The following ZAP70 variants were observed in gnomAD, a reference collection of about 807,000 sequenced individuals.
ZAP70 encodes the protein tyrosine-protein kinase ZAP-70.
ZAP70 carries 27 observed loss-of-function variants against 65.8 expected under a neutral mutation model. That is an observed-to-expected ratio of 0.41 (90% CI 0.30 to 0.57). The LOEUF (loss-of-function observed/expected upper bound fraction) is 0.57, where lower values mean the gene tolerates loss of function less well. Ranked by LOEUF, ZAP70 falls within the 20% of genes least tolerant of loss-of-function variation. ZAP70 has a pLI of 0.28. For missense variants in ZAP70, 696 were observed against 870.5 expected (o/e 0.80, Z 2.52); for synonymous variants, 363 against 360.8 (o/e 1.01, Z -0.07).
At chr2:97,729,746 A>G (rs531487433) in intron 4 of ZAP70, among the ~76,000 whole-genome samples, 23 of 151,914 alleles carry the variant, frequency 1.5e-4, no homozygotes, top group Admixed American at 1.3e-3. Context: ...TTGTAAATCA[A>G]GTAGAACTTA....
chr2:97,756,234 C>T, the ZAP70 span: 5 of 152,142 alleles, frequency 3.3e-5, no homozygotes, highest in African/African-American at 1.2e-4. Flanking sequence ...CCGTCTTAAC[C>T]TGTCAGCTCC....
chr2:97,727,672 C>G (rs1214989053), intron 4 of ZAP70, among the ~76,000 whole-genome samples: 1 of 152,198 alleles, frequency 6.6e-6, no homozygotes, highest in African/African-American at 2.4e-5. Context: ...TCTGCTTTCT[C>G]TTTCATAAAA....
intron 10 of ZAP70, 116 bp downstream of exon 10, chr2:97,735,572 C>A: frequency 8.2e-7 from 1 of 1,213,556 alleles, no homozygotes; most frequent in Non-Finnish European, 1.2e-6. Flanking sequence ...TCCACACCAT[C>A]GTGGACACAC....
chr2:97,717,071 C>T (rs1676947534), intron 2 of ZAP70, among the ~76,000 whole-genome samples: 1 of 152,230 alleles, frequency 6.6e-6, no homozygotes, highest in South Asian at 2.1e-4. Context: ...CTCATGGCGT[C>T]ACCAAGCTGG....
intron 4 of ZAP70, among the ~76,000 whole-genome samples, 193 bp downstream of exon 4, chr2:97,725,445 C>T (rs953304162): frequency 1.3e-5 from 2 of 152,214 alleles, no homozygotes; most frequent in African/African-American, 4.8e-5. Context: ...CTAGGAAAGC[C>T]TCCAGACTCG....
At chr2:97,718,833 C>G (rs1677051572) in intron 2 of ZAP70, among the ~76,000 whole-genome samples, 1 of 152,226 alleles carries the variant, frequency 6.6e-6, no homozygotes, top group Non-Finnish European at 1.5e-5. Flanking sequence ...GGTCCTTGGA[C>G]AAGCCCTCAG....
At chr2:97,747,991 G>A in the ZAP70 span, among the ~76,000 whole-genome samples, 1 of 151,998 alleles carries the variant, frequency 6.6e-6, no homozygotes, top group Non-Finnish European at 1.5e-5. Flanking sequence ...GCATCTTGAA[G>A]CCAAGTGTCT....
chr2:97,720,634 G>A (rs943229549), intron 2 of ZAP70, among the ~76,000 whole-genome samples: 17 of 152,194 alleles, frequency 1.1e-4, no homozygotes, highest in African/African-American at 3.6e-4. Flanking sequence ...TTACAAGCGT[G>A]AGCCACTTCG....
chr2:97,734,112 A>G, intron 8 of ZAP70: 1 of 290,422 alleles, frequency 3.4e-6, no homozygotes, highest in Non-Finnish European at 6.6e-6. Context: ...GTGTATGCAC[A>G]GAGAAGACAC....
downstream of ZAP70, among the ~76,000 whole-genome samples, chr2:97,740,642 C>G (rs1678104947): frequency 6.6e-6 from 1 of 152,138 alleles, no homozygotes; most frequent in South Asian, 2.1e-4. Context: ...GAGATGTCCG[C>G]TGAGGAACCA....
rs1677868844 is a variant in ZAP70 at position 97,736,077 on chromosome 2, CA to C, written c.1289+622del. Among the ~76,000 whole-genome samples the C allele has an allele frequency of 6.6e-6, 1 of 152,186 alleles. No homozygotes were observed. Among genetic ancestry groups the C allele is most frequent in the Non-Finnish European group, 1.5e-5 (1 of 68,024 alleles). The stretch of plus-strand genomic sequence containing the variant: ...AGCTTTGTACACATCAGCTGCTCCC[CA>C]GACTCCCTGGGCCAAATTCATGGCC... On this transcript the variant is annotated intron_variant, in intron 10 of 13. Coordinates refer to ENST00000264972, the MANE Select transcript of ZAP70 (RefSeq NM_001079.4). This position sits in a 1 kb window ranked among gnomAD's most constrained non-coding sequence, Gnocchi z 4.0.
intron 8 of ZAP70, chr2:97,734,316 C>A: frequency 7.1e-7 from 1 of 1,400,438 alleles, no homozygotes; most frequent in Non-Finnish European, 9.3e-7. Context: ...CCTCATGTGG[C>A]TTCATGGGGC....
chr2:97,729,177 G>T (rs890808022), intron 4 of ZAP70, among the ~76,000 whole-genome samples: 2 of 152,230 alleles, frequency 1.3e-5, no homozygotes, highest in African/African-American at 4.8e-5. Flanking sequence ...TGAGATCATG[G>T]TTGGTCCTGA....
chr2:97,720,431 T>C (rs1240735659), intron 2 of ZAP70, among the ~76,000 whole-genome samples: 2 of 152,172 alleles, frequency 1.3e-5, no homozygotes, highest in Non-Finnish European at 1.5e-5. Context: ...GGTTTCACCA[T>C]GTTCGCCAGG....
intron 2 of ZAP70, among the ~76,000 whole-genome samples, chr2:97,716,905 G>C (rs1676939679): frequency 6.6e-6 from 1 of 152,178 alleles, no homozygotes; most frequent in Non-Finnish European, 1.5e-5. Context: ...CACTGGCCCT[G>C]CTTTCCGGAG....
the ZAP70 span, among the ~76,000 whole-genome samples, chr2:97,746,114 A>G: frequency 1.6e-3 from 240 of 152,316 alleles, 1 homozygote; most frequent in African/African-American, 5.4e-3. Context: ...AATATCTAGA[A>G]CAGGCAAATT....
the ZAP70 span, among the ~76,000 whole-genome samples, chr2:97,755,544 G>T: frequency 2.0e-5 from 3 of 152,156 alleles, no homozygotes; most frequent in Non-Finnish European, 4.4e-5. Context: ...TGGGTAAATA[G>T]CTGTTTCTAG....
At chr2:97,723,893 C>G in intron 2 of ZAP70, 123 bp from the exon 3 acceptor site, 1 of 1,116,516 alleles carries the variant, frequency 9.0e-7, no homozygotes, top group Non-Finnish European at 1.3e-6. Flanking sequence ...GGCTCTGCCC[C>G]CTTGGCGAGC....
At chr2:97,734,357 G>C (rs1677750716) in intron 8 of ZAP70, 163 bp from the exon 9 acceptor site, 21 of 1,435,884 alleles carry the variant, frequency 1.5e-5, no homozygotes, top group Non-Finnish European at 1.9e-5. Flanking sequence ...GTGTATGCCA[G>C]TGTGTGCGTG....
Sources: allele counts gnomAD v4.1 joint callset (sites outside exome capture counted in the v4.1 genomes callset), GRCh38; gene constraint gnomAD v4.1.1; non-coding constraint Gnocchi (gnomAD v3.1); transcripts MANE v1.5; gene names NCBI Gene and HGNC (gene_info 2026-07-23, HGNC 2026-07-21).